The following SMYD3 variants were observed in gnomAD, a reference collection of about 807,000 sequenced individuals.
The protein encoded by SMYD3 is histone-lysine N-methyltransferase SMYD3.
A neutral mutation model predicts 57.7 loss-of-function variants in SMYD3; 36 were observed. The ratio of observed to expected loss-of-function variants is 0.62; its 90% confidence interval spans 0.48 to 0.82. SMYD3 has a LOEUF of 0.82. Among genes scored for constraint, SMYD3 ranks in the 40% least tolerant of loss-of-function variants. The pLI, the probability that SMYD3 is intolerant of heterozygous loss-of-function variation, is 0.00. For synonymous variants in SMYD3, 211 were observed against 195.0 expected (o/e 1.08, Z -0.68); for missense variants, 515 against 538.8 (o/e 0.96, Z 0.44).
intron 5 of SMYD3, chr1:246,035,745 C>T (rs2059763267): frequency 6.6e-6 from 1 of 152,160 alleles, no homozygotes; most frequent in Non-Finnish European, 1.5e-5. Flanking sequence ...CCATATTCAA[C>T]TCTTTCCACT....
chr1:245,820,254 T>A (rs1323002264), intron 10 of SMYD3, among the ~76,000 whole-genome samples: 1 of 151,388 alleles, frequency 6.6e-6, no homozygotes, highest in Non-Finnish European at 1.5e-5. Context: ...CGCAAATCAA[T>A]AAATGTAATC....
rs200520826 is a variant in SMYD3 at position 246,173,175 on chromosome 1, C to A, written c.531+154026G>T. ...TCTACTGCAGACTATCCACACTGTACGCTTAGGCTACACAGGCCTAGAACA... is the reference window on the plus strand; with the variant it reads ...TCTACTGCAGACTATCCACACTGTAAGCTTAGGCTACACAGGCCTAGAACA... On this transcript the variant is annotated intron_variant, in intron 5 of 11. Coordinates refer to ENST00000490107, the MANE Select transcript of SMYD3 (RefSeq NM_001167740.2). Among the ~76,000 whole-genome samples the A allele has an allele frequency of 1.4e-3, 204 of 151,026 alleles. 1 individual carries two copies. In the East Asian group the frequency reaches 0.019, roughly 14 times the overall value.
intron 5 of SMYD3, among the ~76,000 whole-genome samples, chr1:246,236,324 G>A (rs1457346266): frequency 2.0e-5 from 3 of 152,096 alleles, no homozygotes; most frequent in Non-Finnish European, 4.4e-5. Flanking sequence ...TCAACCTCCT[G>A]GGCTCAGGCA....
chr1:246,195,931 T>C (rs1189738989), intron 5 of SMYD3, among the ~76,000 whole-genome samples: 1 of 152,190 alleles, frequency 6.6e-6, no homozygotes, highest in African/African-American at 2.4e-5. Context: ...AGGCTGCCTT[T>C]CACCTGAAAG....
intron 5 of SMYD3, chr1:246,052,937 T>C (rs1001742548): frequency 1.1e-4 from 17 of 152,042 alleles, no homozygotes; most frequent in African/African-American, 4.1e-4. Flanking sequence ...CTAAATAAGA[T>C]CTCTAAATAA....
chr1:245,887,525 G>A (rs1558460052), intron 8 of SMYD3, among the ~76,000 whole-genome samples: 1 of 151,996 alleles, frequency 6.6e-6, no homozygotes, highest in African/African-American at 2.4e-5. Context: ...CTTCTCTTGG[G>A]GTCTGGATTG....
chr1:245,848,575 C>G (rs1403107463), intron 10 of SMYD3, among the ~76,000 whole-genome samples: 1 of 152,048 alleles, frequency 6.6e-6, no homozygotes, highest in Non-Finnish European at 1.5e-5. Context: ...CCACGCCCAT[C>G]TACTTTTTTT....
At chr1:246,206,915 C>T (rs1446510035) in intron 5 of SMYD3, among the ~76,000 whole-genome samples, 1 of 152,086 alleles carries the variant, frequency 6.6e-6, no homozygotes, top group African/African-American at 2.4e-5. Flanking sequence ...AAAAATAACT[C>T]GTATTAATTA....
At chr1:245,869,567 C>T (rs1030833522) in intron 8 of SMYD3, among the ~76,000 whole-genome samples, 1 of 152,174 alleles carries the variant, frequency 6.6e-6, no homozygotes, top group Non-Finnish European at 1.5e-5. Context: ...ACAGTACAAT[C>T]GTAGAGCTAG....
intron 5 of SMYD3, among the ~76,000 whole-genome samples, chr1:246,070,215 C>T (rs978277774): frequency 3.3e-5 from 5 of 152,128 alleles, no homozygotes; most frequent in South Asian, 4.1e-4. Flanking sequence ...TTTCATTTCC[C>T]GGGACCTCCA....
At chr1:246,340,676 T>C (rs564046624) in intron 2 of SMYD3, among the ~76,000 whole-genome samples, 1 of 152,324 alleles carries the variant, frequency 6.6e-6, no homozygotes, top group South Asian at 2.1e-4. Flanking sequence ...ATCAAAATTG[T>C]AATGTGCATA....
At chr1:245,814,543 G>A (rs1380718118) in intron 10 of SMYD3, 3 of 269,260 alleles carry the variant, frequency 1.1e-5, no homozygotes, top group African/African-American at 2.3e-5. Flanking sequence ...GACTACACGC[G>A]GCCCCAGGGA....
At chr1:246,274,365 T>C (rs192440416) in intron 5 of SMYD3, among the ~76,000 whole-genome samples, 1 of 152,332 alleles carries the variant, frequency 6.6e-6, no homozygotes, top group Admixed American at 6.5e-5. Flanking sequence ...CTTCTCACAA[T>C]GCCTGATTTT....
At chr1:246,172,303 A>G (rs1439003254) in intron 5 of SMYD3, among the ~76,000 whole-genome samples, 2 of 151,200 alleles carry the variant, frequency 1.3e-5, no homozygotes, top group African/African-American at 4.9e-5. Context: ...TCCACACTGT[A>G]CGCTTAGGCT....
intron 5 of SMYD3, among the ~76,000 whole-genome samples, chr1:245,961,898 A>G (rs1441780470): frequency 3.9e-5 from 6 of 152,196 alleles, no homozygotes; most frequent in Non-Finnish European, 7.3e-5. Flanking sequence ...GCTGCCGGAT[A>G]AAAGTTTTTT....
chr1:245,913,850 AAAGGCC>A (rs1405407787), intron 8 of SMYD3, among the ~76,000 whole-genome samples: 1 of 152,206 alleles, frequency 6.6e-6, no homozygotes, highest in Non-Finnish European at 1.5e-5. Context: ...CACATATAGA[AAAGGCC>A]AATAAAAATG....
At chr1:246,081,029 G>A (rs1468173600) in intron 5 of SMYD3, among the ~76,000 whole-genome samples, 2 of 148,180 alleles carry the variant, frequency 1.3e-5, no homozygotes, top group Non-Finnish European at 2.9e-5. Flanking sequence ...ATACAGATAA[G>A]TTACCACTTT....
chr1:246,249,016 A>G (rs1326020723), intron 5 of SMYD3, among the ~76,000 whole-genome samples: 4 of 151,816 alleles, frequency 2.6e-5, no homozygotes, highest in Non-Finnish European at 4.4e-5. Context: ...AAGATCAAGA[A>G]CAAGATGCGA....
intron 5 of SMYD3, chr1:246,035,087 CT>C (rs961811200): frequency 6.6e-6 from 1 of 152,198 alleles, no homozygotes; most frequent in Non-Finnish European, 1.5e-5. Context: ...TTCCAGGTCA[CT>C]GCCTCAGGAG....
Sources: gnomAD v4.1 joint callset for allele counts (sites outside exome capture counted in the v4.1 genomes callset) on GRCh38, gnomAD v4.1.1 for gene constraint, MANE v1.5 for transcripts, NCBI Gene and HGNC (gene_info 2026-07-23, HGNC 2026-07-21) for gene names.